Variants in TES observed in about 807,000 individuals in gnomAD.
The protein encoded by TES is testin LIM domain protein, also known as testin.
TES carries 41 observed loss-of-function variants against 48.2 expected under a neutral mutation model. The observed-to-expected ratio is 0.85, with a 90% CI of 0.66 to 1.10. TES has a LOEUF of 1.10. TES is among the 50% of genes least tolerant of loss of function. The pLI is 0.00. For synonymous variants in TES, 162 were observed against 174.9 expected (o/e 0.93, Z 0.58); for missense variants, 463 against 515.1 (o/e 0.90, Z 0.98).
chr7:116,249,581 A>G (rs1240089482), intron 3 of TES: 2 of 257,436 alleles, frequency 7.8e-6, no homozygotes, highest in Non-Finnish European at 1.5e-5. Context: ...GAGAGGATTT[A>G]TCTTAAGATG....
At chr7:116,250,621 T>C in intron 4 of TES, 125 bp downstream of exon 4, 1 of 753,798 alleles carries the variant, frequency 1.3e-6, no homozygotes, top group South Asian at 3.9e-5. Flanking sequence ...GGGGAATAAA[T>C]AGGATTTAGA....
At chr7:116,233,385 G>A (rs780096221) in intron 1 of TES, among the ~76,000 whole-genome samples, 1 of 152,112 alleles carries the variant, frequency 6.6e-6, no homozygotes, top group Non-Finnish European at 1.5e-5. Flanking sequence ...GTTTAATATG[G>A]TAAAGAAGAA....
intron 2 of TES, among the ~76,000 whole-genome samples, 179 bp from the exon 3 acceptor site, chr7:116,248,841 G>T (rs1262691972): frequency 6.6e-6 from 1 of 152,028 alleles, no homozygotes; most frequent in East Asian, 1.9e-4. Context: ...AAGCAAAGTC[G>T]TGTTTTGTTT....
At chr7:116,231,517 T>C (rs1387696445) in intron 1 of TES, among the ~76,000 whole-genome samples, 2 of 152,148 alleles carry the variant, frequency 1.3e-5, no homozygotes, top group South Asian at 2.1e-4. Context: ...ATGAAAGATG[T>C]ACATTGCTTC....
chr7:116,243,675 T>A (rs1035898363), intron 2 of TES, among the ~76,000 whole-genome samples: 1 of 152,190 alleles, frequency 6.6e-6, no homozygotes, highest in Non-Finnish European at 1.5e-5. Context: ...AAACTGTTCA[T>A]CTTTTGAATA....
chr7:116,248,663 A>G (rs1799960175), intron 2 of TES, among the ~76,000 whole-genome samples: 1 of 152,016 alleles, frequency 6.6e-6, no homozygotes, highest in Non-Finnish European at 1.5e-5. Context: ...TGTTCCTTAT[A>G]GATTCTGAAT....
At chr7:116,225,821 T>C (rs1051289911) in intron 1 of TES, among the ~76,000 whole-genome samples, 1 of 152,250 alleles carries the variant, frequency 6.6e-6, no homozygotes, top group Non-Finnish European at 1.5e-5. Flanking sequence ...ATTCTATTTT[T>C]AAAACTGATT....
chr7:116,228,154 A>G (rs191664208), intron 1 of TES, among the ~76,000 whole-genome samples: 8 of 152,216 alleles, frequency 5.3e-5, no homozygotes, highest in African/African-American at 1.9e-4. Context: ...TCTTATTCTA[A>G]AATAAGCAGG....
intron 1 of TES, among the ~76,000 whole-genome samples, chr7:116,230,904 C>T (rs911607446): frequency 2.2e-4 from 34 of 152,322 alleles, no homozygotes; most frequent in Admixed American, 6.5e-5. Flanking sequence ...TGCACCTCTC[C>T]TTCAGCGAAG....
Position 116,234,609 on chromosome 7 carries a change from C to T in TES, c.103C>T (p.His35Tyr), listed in dbSNP as rs758845156. Reference protein sequence around the residue: ...CKEKCEGFELHFWRKICRNCK... With the variant: ...CKEKCEGFELYFWRKICRNCK... ...AGAAAAATGTGAAGGATTCGAACTG[C>T]ACTTCTGGAGGTATTGTTTTGAAAA... is the stretch of plus-strand genomic sequence containing the variant. Residue 35 changes from histidine to tyrosine, a missense_variant, in exon 2 of 7, where the codon CAC (histidine) becomes TAC (tyrosine). Coordinates refer to ENST00000358204, the MANE Select transcript of TES (RefSeq NM_015641.4). The T allele has an allele frequency of 1.9e-6, 3 of 1,613,636 alleles. No individual in the cohort carries two copies. Among genetic ancestry groups the T allele is most frequent in the South Asian group, 1.1e-5 (1 of 91,066 alleles).
chr7:116,250,783 A>G (rs1799995943), intron 4 of TES, among the ~76,000 whole-genome samples: 1 of 152,188 alleles, frequency 6.6e-6, no homozygotes, highest in East Asian at 1.9e-4. Context: ...AGACAGCATT[A>G]TTATTCTATA....
At chr7:116,236,964 A>C (rs1412181343) in intron 2 of TES, among the ~76,000 whole-genome samples, 1 of 152,206 alleles carries the variant, frequency 6.6e-6, no homozygotes, top group Admixed American at 6.5e-5. Context: ...TCTTCCTGGC[A>C]TGGGTCCAGT....
chr7:116,248,722 A>G (rs558271766), intron 2 of TES, among the ~76,000 whole-genome samples: 4 of 152,140 alleles, frequency 2.6e-5, no homozygotes, highest in African/African-American at 4.8e-5. Context: ...CTTCCATTCT[A>G]TAGGTTGTCT....
At chr7:116,253,470 C>T (rs1168489894) in intron 6 of TES, among the ~76,000 whole-genome samples, 1 of 151,728 alleles carries the variant, frequency 6.6e-6, no homozygotes, top group East Asian at 1.9e-4. Flanking sequence ...AAATTTCGTT[C>T]CTCCACTTTC....
chr7:116,222,218 T>C (rs1352405500), intron 1 of TES, among the ~76,000 whole-genome samples: 1 of 152,192 alleles, frequency 6.6e-6, no homozygotes, highest in African/African-American at 2.4e-5. Flanking sequence ...TATAAGACTT[T>C]GTTTTTGTTC....
At chr7:116,234,422 G>C (rs1187525844) in intron 1 of TES, 112 bp from the exon 2 acceptor site, 2 of 882,416 alleles carry the variant, frequency 2.3e-6, no homozygotes, top group Non-Finnish European at 3.6e-6. Context: ...TATAAGATTT[G>C]TTTGAAAGTT....
chr7:116,231,362 G>A (rs1039177931), intron 1 of TES, among the ~76,000 whole-genome samples: 31 of 152,198 alleles, frequency 2.0e-4, no homozygotes, highest in Non-Finnish European at 4.0e-4. Flanking sequence ...GTCAAACTCT[G>A]TAAAAGTATT....
intron 1 of TES, among the ~76,000 whole-genome samples, chr7:116,219,654 T>G (rs746955280): frequency 4.6e-5 from 7 of 152,142 alleles, no homozygotes; most frequent in Admixed American, 6.6e-5. Flanking sequence ...AAGTCCAGTC[T>G]AGCAACTATG....
chr7:116,230,740 C>T (rs1456988165), intron 1 of TES, among the ~76,000 whole-genome samples: 1 of 152,186 alleles, frequency 6.6e-6, no homozygotes, highest in Non-Finnish European at 1.5e-5. Context: ...CCGCCTGCTA[C>T]AAGGCCAGCC....
Sources: gnomAD v4.1 joint callset for allele counts (sites outside exome capture counted in the v4.1 genomes callset) on GRCh38, gnomAD v4.1.1 for gene constraint, MANE v1.5 for transcripts, NCBI Gene and HGNC (gene_info 2026-07-23, HGNC 2026-07-21) for gene names.